NAV3: variants seen among roughly 807,000 people sequenced by gnomAD.
The protein encoded by NAV3 is neuron navigator 3.
NAV3 carries 87 observed loss-of-function variants against 244.7 expected under a neutral mutation model. That is an observed-to-expected ratio of 0.36 (90% CI 0.30 to 0.42). NAV3 has a LOEUF of 0.42. Among genes scored for constraint, NAV3 ranks in the 20% least tolerant of loss-of-function variants. The pLI, the probability that NAV3 is intolerant of heterozygous loss-of-function variation, is 1.00. For synonymous variants in NAV3, 1,126 were observed against 1,042.2 expected, an observed-to-expected ratio of 1.08 and a Z score of -1.55; for missense variants, 2,663 against 2,893.3, an observed-to-expected ratio of 0.92 and a Z score of 1.83.
chr12:77,896,966 A>T (rs1884695618), intron 1 of NAV3, among the ~76,000 whole-genome samples: 1 of 152,022 alleles, frequency 6.6e-6, no homozygotes. Context: ...ACCCTTCTGT[A>T]CCTCCCTGAT....
At chr12:77,928,237 AAAAAAAG>A (rs1404319588) in intron 1 of NAV3, among the ~76,000 whole-genome samples, 3 of 151,184 alleles carry the variant, frequency 2.0e-5, no homozygotes, top group South Asian at 4.3e-4. Context: ...AAAAAAAAAA[AAAAAAAG>A]AGAGAGAGGG....
intron 20 of NAV3, chr12:78,145,013 G>A (rs1401759718): frequency 3.6e-6 from 1 of 279,360 alleles, no homozygotes; most frequent in African/African-American, 2.3e-5. Flanking sequence ...AATAGACATA[G>A]TTACATAGTT....
At chr12:77,868,975 G>A (rs773000079) in intron 1 of NAV3, among the ~76,000 whole-genome samples, 13 of 152,046 alleles carry the variant, frequency 8.6e-5, no homozygotes, top group Non-Finnish European at 1.3e-4. Context: ...GGGAGGCTGA[G>A]ACAGAAGAAT....
chr12:77,977,201 T>A (rs1868605578), intron 5 of NAV3, among the ~76,000 whole-genome samples: 1 of 152,098 alleles, frequency 6.6e-6, no homozygotes, highest in African/African-American at 2.4e-5. Flanking sequence ...GAGACTTTGA[T>A]GAGAGCTCTT....
chr12:77,689,121 A>G (rs1188171632), intron 2 of NAV3, among the ~76,000 whole-genome samples: 1 of 151,958 alleles, frequency 6.6e-6, no homozygotes, highest in African/African-American at 2.4e-5. Flanking sequence ...AAAGATCTCA[A>G]CACACTCAGC....
At chr12:78,168,276 A>C (rs1396989936) in intron 23 of NAV3, among the ~76,000 whole-genome samples, 1 of 151,786 alleles carries the variant, frequency 6.6e-6, no homozygotes, top group Non-Finnish European at 1.5e-5. Context: ...AAATACAAAT[A>C]ATCAATTTTG....
chr12:78,191,348 A>G (rs992089407), intron 34 of NAV3, among the ~76,000 whole-genome samples: 2 of 152,112 alleles, frequency 1.3e-5, no homozygotes, highest in African/African-American at 2.4e-5. Context: ...CAAGCACGAT[A>G]TAAGAGTTGC....
chr12:77,777,986 A>G (rs1030096578), intron 2 of NAV3, among the ~76,000 whole-genome samples: 2 of 151,942 alleles, frequency 1.3e-5, no homozygotes, highest in Non-Finnish European at 2.9e-5. Context: ...TTTGTATCTT[A>G]GTAGAGACAG....
intron 28 of NAV3, 182 bp from the exon 29 acceptor site, chr12:78,179,347 T>G: frequency 1.9e-6 from 1 of 534,678 alleles, no homozygotes; most frequent in Non-Finnish European, 3.1e-6. Context: ...GCTACTTCCG[T>G]TTTGAACCTG....
At chr12:77,770,242 A>G (rs1477445410) in intron 2 of NAV3, among the ~76,000 whole-genome samples, 1 of 152,146 alleles carries the variant, frequency 6.6e-6, no homozygotes, top group African/African-American at 2.4e-5. Context: ...TGTAGGAGTG[A>G]TGGGTGAAAT....
chr12:77,651,069 A>C (rs1171370646), intron 2 of NAV3, among the ~76,000 whole-genome samples: 1 of 152,170 alleles, frequency 6.6e-6, no homozygotes, highest in East Asian at 1.9e-4. Flanking sequence ...ATCAAAGTAC[A>C]ACTATATCGC....
chr12:77,995,456 T>G (rs970127190), intron 6 of NAV3, among the ~76,000 whole-genome samples: 6 of 152,214 alleles, frequency 3.9e-5, no homozygotes, highest in African/African-American at 1.4e-4. Flanking sequence ...AAGAGTTTGA[T>G]TTTTTAAAAG....
At chr12:78,024,475 T>C (rs1467649504) in intron 9 of NAV3, among the ~76,000 whole-genome samples, 1 of 152,202 alleles carries the variant, frequency 6.6e-6, no homozygotes, top group Non-Finnish European at 1.5e-5. Context: ...AACCTGGATA[T>C]GTACTTCACT....
chr12:77,789,456 A>C (rs1201846950), intron 2 of NAV3, among the ~76,000 whole-genome samples: 1 of 152,018 alleles, frequency 6.6e-6, no homozygotes, highest in Non-Finnish European at 1.5e-5. Flanking sequence ...TCCTGGCCAC[A>C]TTGGAAGAAT....
chr12:77,661,997 C>T (rs1190369351), intron 2 of NAV3, among the ~76,000 whole-genome samples: 1 of 150,472 alleles, frequency 6.6e-6, no homozygotes, highest in Non-Finnish European at 1.5e-5. Context: ...CCACCTTTGA[C>T]TTTCTTTTTC....
intron 23 of NAV3, 34 bp from the exon 24 acceptor site, chr12:78,168,721 G>A (rs754649808): frequency 5.7e-6 from 8 of 1,402,242 alleles, no homozygotes; most frequent in Middle Eastern, 1.8e-4. Flanking sequence ...TTTCTTTCGG[G>A]TACTAAAGCT....
chr12:77,853,652 A>G (rs542937286), intron 1 of NAV3, among the ~76,000 whole-genome samples: 13 of 152,190 alleles, frequency 8.5e-5, no homozygotes, highest in Non-Finnish European at 1.5e-4. Flanking sequence ...TGGTCATTGT[A>G]CAGAATAGAG....
intron 27 of NAV3, 119 bp downstream of exon 27, chr12:78,177,432 G>T: frequency 8.2e-7 from 1 of 1,212,448 alleles, no homozygotes; most frequent in Non-Finnish European, 1.1e-6. Context: ...TGAGAATGAT[G>T]GACAGCATTA....
intron 2 of NAV3, among the ~76,000 whole-genome samples, chr12:77,700,359 T>G (rs1875505371): frequency 6.6e-6 from 1 of 152,074 alleles, no homozygotes; most frequent in African/African-American, 2.4e-5. Context: ...TTGTGAGCAG[T>G]TGGGAGAGAC....
Sources: allele counts gnomAD v4.1 joint callset (sites outside exome capture counted in the v4.1 genomes callset), GRCh38; gene constraint gnomAD v4.1.1; transcripts MANE v1.5; gene names NCBI Gene and HGNC (gene_info 2026-07-23, HGNC 2026-07-21).